GREB1: variants seen among roughly 807,000 people sequenced by gnomAD.
GREB1 encodes growth regulating estrogen receptor binding 1, also known as protein GREB1.
GREB1 carries 106 observed loss-of-function variants against 200.7 expected under a neutral mutation model. The observed-to-expected ratio is 0.53, with a 90% confidence interval of 0.45 to 0.62. GREB1 has a LOEUF of 0.62. Among genes scored for constraint, GREB1 ranks in the 20% least tolerant of loss-of-function variants. GREB1 has a pLI of 0.00. For missense variants in GREB1, 2,243 were observed against 2,556.8 expected (o/e 0.88, Z 2.65); for synonymous variants, 1,132 against 1,092.4 (o/e 1.04, Z -0.72).
Position 11,615,307 on chromosome 2 carries a change from C to T in GREB1, c.3322+17C>T. ...GGACAGAAGGTGAGGGATGGCTGCC[C>T]TCAGCCTACTTGTCCCTGTCTGCAT... On this transcript the variant is annotated intron_variant, in intron 20 of 32. Coordinates refer to ENST00000381486, the MANE Select transcript of GREB1 (RefSeq NM_014668.4). 1 of 1,554,800 alleles carries T rather than the reference C, an allele frequency of 6.4e-7. No homozygotes were observed. The highest frequency in any genetic ancestry group is 8.7e-7 in the Non-Finnish European group (1 of 1,146,016).
intron 1 of GREB1, among the ~76,000 whole-genome samples, chr2:11,546,014 C>T (rs186446841): frequency 6.6e-6 from 1 of 152,156 alleles, no homozygotes; most frequent in East Asian, 1.9e-4. Flanking sequence ...CCCATCTCTA[C>T]TAAAAATACA....
At chr2:11,502,520 C>A (rs950364560) in intron 1 of GREB1, among the ~76,000 whole-genome samples, 1 of 151,904 alleles carries the variant, frequency 6.6e-6, no homozygotes, top group African/African-American at 2.4e-5. Context: ...CTGTGTCTGG[C>A]CGGATTTCTT....
upstream of GREB1, among the ~76,000 whole-genome samples, chr2:11,530,058 T>A (rs1247626924): frequency 6.6e-6 from 1 of 152,044 alleles, no homozygotes; most frequent in East Asian, 1.9e-4. Flanking sequence ...TTTATTTTAT[T>A]TTATTTTATT....
At chr2:11,605,144 C>CTTTTTTTTTTTTTTTTTTTTTTTTTTT (rs3035991) in intron 17 of GREB1, among the ~76,000 whole-genome samples, 1 of 44,818 alleles carries the variant, frequency 2.2e-5, no homozygotes, top group African/African-American at 5.7e-5. Context: ...GAGCCTGCTT[C>CTTTTTTTTTTTTTTTTTTTTTTTTTTT]TTTTTTTTTT....
intron 1 of GREB1, among the ~76,000 whole-genome samples, chr2:11,485,640 A>G (rs543324008): frequency 2.8e-4 from 43 of 152,184 alleles, no homozygotes; most frequent in Middle Eastern, 6.8e-3. Context: ...TTTGATCTCA[A>G]ACAGCCTTTC....
intron 2 of GREB1, among the ~76,000 whole-genome samples, chr2:11,562,238 G>A (rs1224888451): frequency 6.6e-6 from 1 of 152,182 alleles, no homozygotes. Context: ...CTCCAGTAAA[G>A]AAGGTTGATA....
rs1049659825 is a variant in GREB1, at chr2:11,493,952, G to C, written c.-159+11571G>C. ...TTGGGGGCTTAGGAGAAATGAATCT[G>C]ATGGAGAAAAGATGAAAGAAGAAAT... On this transcript the variant is annotated intron_variant, in intron 1 of 2. Coordinates refer to the GREB1 transcript ENST00000628795. The surrounding 1 kb of genome is among the most constrained non-coding windows in gnomAD (Gnocchi z 4.6). Among the ~76,000 whole-genome samples, 1 of 152,158 alleles carries C rather than the reference G, an allele frequency of 6.6e-6. No homozygotes were observed. The highest frequency in any genetic ancestry group is 1.5e-5 in the Non-Finnish European group (1 of 68,014).
chr2:11,614,316 G>A (rs1572925711), intron 19 of GREB1, among the ~76,000 whole-genome samples: 1 of 151,924 alleles, frequency 6.6e-6, no homozygotes, highest in African/African-American at 2.4e-5. Context: ...TAGTAGAGAT[G>A]GGGTTTTGCC....
intron 1 of GREB1, among the ~76,000 whole-genome samples, chr2:11,536,789 TA>T (rs1674310827): frequency 7.2e-6 from 1 of 138,982 alleles, no homozygotes; most frequent in African/African-American, 3.2e-5. Flanking sequence ...TTAGAAAGCA[TA>T]GTGGGTTCAA....
At chr2:11,517,292 A>G (rs905094203) in intron 1 of GREB1, 2 of 152,630 alleles carry the variant, frequency 1.3e-5, no homozygotes, top group African/African-American at 4.8e-5. Flanking sequence ...GCCTTGTGCC[A>G]TTCGGCTCCC....
intron 12 of GREB1, 56 bp downstream of exon 12, chr2:11,595,435 G>A: frequency 6.4e-7 from 1 of 1,563,046 alleles, no homozygotes; most frequent in Non-Finnish European, 8.7e-7. Context: ...AGTAATCAGT[G>A]CCGGGGGAGG....
At chr2:11,520,396 C>T (rs890678751) in intron 1 of GREB1, among the ~76,000 whole-genome samples, 11 of 152,184 alleles carry the variant, frequency 7.2e-5, no homozygotes, top group African/African-American at 2.7e-4. Flanking sequence ...GTCAGCAAGG[C>T]GGCATTCTTT....
rs956166738 is a variant in GREB1, at chr2:11,602,345, G to A, written c.2530-61G>A. The A allele has an allele frequency of 7.8e-6, 12 of 1,539,370 alleles. 1 individual carries two copies. The Admixed American group carries it at 2.0e-4, about 26-fold the overall frequency. ...CAGGTCATCCGCAGGCCTGGCACAC[G>A]AACCTCTGACCGTCCCTGCGAATGC... On this transcript the variant is annotated intron_variant, in intron 16 of 32. Coordinates refer to ENST00000381486, the MANE Select transcript of GREB1 (RefSeq NM_014668.4).
intron 29 of GREB1, 135 bp downstream of exon 29, chr2:11,634,484 T>G (rs1180804704): frequency 2.3e-5 from 15 of 640,484 alleles, no homozygotes; most frequent in Non-Finnish European, 4.1e-5. Context: ...TCCCAGTTTT[T>G]TTAGTGCTGA....
intron 4 of GREB1, 142 bp downstream of exon 4, chr2:11,566,798 T>G (rs1677717750): frequency 3.0e-6 from 2 of 663,954 alleles, no homozygotes; most frequent in African/African-American, 1.8e-5. Flanking sequence ...TTCTGTTTTT[T>G]GGTAGATGAG....
At chr2:11,587,694 AACAC>A (rs377181735) in intron 9 of GREB1, 140,061 of 673,816 alleles carry the variant, frequency 0.21, 6,415 homozygotes, top group African/African-American at 0.26. Context: ...AGTACAAGAT[AACAC>A]ACACACACAC....
At chr2:11,588,665 C>T (rs746640139) in intron 9 of GREB1, 81 bp from the exon 10 acceptor site, 2 of 1,300,016 alleles carry the variant, frequency 1.5e-6, no homozygotes, top group Non-Finnish European at 2.2e-6. Flanking sequence ...CTTCAGTGCC[C>T]TCACCCCCAG....
intron 1 of GREB1, among the ~76,000 whole-genome samples, chr2:11,483,856 A>G (rs2148389235): frequency 6.6e-6 from 1 of 152,284 alleles, no homozygotes; most frequent in South Asian, 2.1e-4. Flanking sequence ...GCAAAAAAGA[A>G]CTACTTACTT....
chr2:11,595,289 A>G lies in GREB1; in HGVS notation c.1735A>G (p.Thr579Ala), dbSNP rs1404660580. Reference protein sequence around the residue: ...QARILSESLLTPAEYQKEVNY... With the variant: ...QARILSESLLAPAEYQKEVNY... ...CCGGATTCTTTCCGAGAGCCTTCTCACTCCTGCGGAGTACCAGAAGGAAGT... is the reference window on the plus strand; with the variant it reads ...CCGGATTCTTTCCGAGAGCCTTCTCGCTCCTGCGGAGTACCAGAAGGAAGT... The change falls in exon 12 of 33, where the codon ACT becomes GCT. Residue 579 changes from threonine to alanine, a missense_variant. By Grantham distance (58) the Thr-to-Ala change is moderately conservative. Around this residue, in one of 3 missense-constraint regions of GREB1, gnomAD observed 1,178 missense variants for 1,387.4 expected, o/e 0.85. Transcript: ENST00000381486. 1 of 1,613,558 alleles carries G rather than the reference A, an allele frequency of 6.2e-7. No individual in the cohort carries two copies. The highest frequency in any genetic ancestry group is 1.1e-5 in the South Asian group (1 of 91,066).
Sources: allele counts gnomAD v4.1 joint callset (sites outside exome capture counted in the v4.1 genomes callset), GRCh38; gene constraint gnomAD v4.1.1; regional missense constraint gnomAD v4.1.1; non-coding constraint Gnocchi (gnomAD v3.1); transcripts MANE v1.5; gene names NCBI Gene and HGNC (gene_info 2026-07-23, HGNC 2026-07-21).